MACF1: variants seen among roughly 807,000 people sequenced by gnomAD.
The protein encoded by MACF1 is microtubule-actin cross-linking factor 1.
In MACF1, 193 loss-of-function variants were observed where a neutral mutation model predicts 854.8. That is an observed-to-expected ratio of 0.23 (90% CI 0.20 to 0.25). The LOEUF is 0.25. MACF1 is among the 10% of genes least tolerant of loss of function. MACF1 has a pLI of 1.00. For synonymous variants in MACF1, 3,185 were observed against 3,226.7 expected (o/e 0.99, Z 0.44); for missense variants, 7,722 against 8,929.1 (o/e 0.86, Z 5.45).
chr1:39,236,867 TG>T (rs1644865136), intron 2 of MACF1, among the ~76,000 whole-genome samples: 1 of 151,954 alleles, frequency 6.6e-6, no homozygotes, highest in African/African-American at 2.4e-5. Context: ...TATACCATAT[TG>T]GCCAGGCTGC....
intron 61 of MACF1, 71 bp from the exon 62 acceptor site, chr1:39,427,384 T>C (rs1643761325): frequency 7.8e-7 from 1 of 1,275,776 alleles, no homozygotes; most frequent in South Asian, 1.4e-5. Flanking sequence ...ATTCTTTTAC[T>C]GAGTATAGTA....
chr1:39,397,486 C>T (rs200522446), intron 58 of MACF1, among the ~76,000 whole-genome samples: 1 of 151,568 alleles, frequency 6.6e-6, no homozygotes, highest in East Asian at 1.9e-4. Context: ...TGCTTGAACC[C>T]GGGAGGCAGA....
chr1:39,165,694 T>A (rs1172118132), intron 2 of MACF1, among the ~76,000 whole-genome samples: 1 of 152,236 alleles, frequency 6.6e-6, no homozygotes, highest in Admixed American at 6.5e-5. Context: ...TTCTATTGGT[T>A]GTTGGAGAAA....
In MACF1 at chr1:39,452,370, C is replaced by G. The variant is rs778432078; in HGVS notation, c.20613+20C>G. 1 of 1,606,498 alleles carries G rather than the reference C, an allele frequency of 6.2e-7. No individual in the cohort carries two copies. The highest frequency in any genetic ancestry group is 2.2e-5 in the East Asian group (1 of 44,782). On this transcript the variant is annotated intron_variant, in intron 86 of 100. Coordinates refer to ENST00000564288, the MANE Select transcript of MACF1 (RefSeq NM_001394062.1). ...AAACAAGTAAGGGATATTTGCTGTCCCAACCCAAGGGATAGATCTGAGTGG... is the reference window on the plus strand; with the variant it reads ...AAACAAGTAAGGGATATTTGCTGTCGCAACCCAAGGGATAGATCTGAGTGG...
chr1:39,359,412 A>G, intron 47 of MACF1, 148 bp downstream of exon 47: 1 of 957,864 alleles, frequency 1.0e-6, no homozygotes, highest in Non-Finnish European at 1.5e-6. Flanking sequence ...ATTGTCATCA[A>G]AGAGCTTATC....
chr1:39,246,274 T>G (rs1435954019), intron 2 of MACF1, among the ~76,000 whole-genome samples: 1 of 91,998 alleles, frequency 1.1e-5, no homozygotes, highest in Non-Finnish European at 2.9e-5. Flanking sequence ...TGCATGTGAC[T>G]TCTAAAGTTA....
intron 26 of MACF1, among the ~76,000 whole-genome samples, chr1:39,315,101 C>G (rs58400898): frequency 0.02 from 3,040 of 152,282 alleles, 110 homozygotes; most frequent in African/African-American, 0.07. Context: ...TCCCCTCTAG[C>G]TAGTCCTTTT....
rs370618215 is a variant in MACF1 at position 39,336,033 on chromosome 1, T to C, written c.9445T>C (p.Ser3149Pro). The C allele has an allele frequency of 6.2e-7, 1 of 1,614,128 alleles. No individual in the cohort carries two copies. The highest frequency in any genetic ancestry group is 1.3e-5 in the African/African-American group (1 of 75,038). The change falls in exon 37 of 101, where the codon TCC becomes CCC. Residue 3149 changes from serine (S) to proline (P), a missense_variant. By Grantham distance (74) the Ser-to-Pro change is moderately conservative (BLOSUM62 -1). This residue lies in a region of MACF1 where 854 missense variants were observed against 852.6 expected (regional missense o/e 1.00). Coordinates refer to ENST00000564288, the MANE Select transcript of MACF1 (RefSeq NM_001394062.1). The stretch of plus-strand genomic sequence containing the variant: ...CAGACAGGAGACCAACTATCAAGAT[T>C]CCTGGGTTACTTCGAAAACTAAGGA... Reference protein sequence around the residue: ...TTRQETNYQDSWVTSKTKETK... With the variant: ...TTRQETNYQDPWVTSKTKETK...
In MACF1 at chr1:39,335,665, G is replaced by A. The variant is rs1646798872; in HGVS notation, c.9077G>A (p.Gly3026Glu). ...AGGGAAATGACCTCAAGTGAAAAAG[G>A]GAAAGAAGCTGATACAGAAATGGGA... ...QPREMTSSEK[G>E]KEADTEMGFS... Residue 3026 changes from glycine (G) to glutamate (E), a missense_variant, in exon 37 of 101, where the codon GGG (glycine) becomes GAG (glutamate). Coordinates refer to ENST00000564288, the MANE Select transcript of MACF1 (RefSeq NM_001394062.1). The A allele has an allele frequency of 6.2e-7, 1 of 1,614,030 alleles. No individual in the cohort carries two copies.
intron 58 of MACF1, chr1:39,414,615 T>C (rs1384604987): frequency 2.2e-6 from 3 of 1,334,806 alleles, no homozygotes; most frequent in Non-Finnish European, 3.1e-6. Context: ...TTGTAGTCTT[T>C]CTGTTCAGTT....
At chr1:39,132,319 G>A (rs1643023875) in intron 2 of MACF1, among the ~76,000 whole-genome samples, 1 of 151,696 alleles carries the variant, frequency 6.6e-6, no homozygotes. Flanking sequence ...TGTAGCTGTT[G>A]GAAAAGGTCC....
rs12077313 is a variant in MACF1 at position 39,243,153 on chromosome 1, C to T, written c.172-6861C>T. ...ACATCCTAGACAGCGCTAATCACTG[C>T]GGTTTTGATTTATGTTTTCCTTATG... On this transcript the variant is annotated intron_variant, in intron 2 of 100. Transcript: ENST00000564288. Among the ~76,000 whole-genome samples, 1,432 of 152,216 alleles carry T rather than the reference C, an allele frequency of 9.4e-3. 27 individuals carry two copies. Among genetic ancestry groups the T allele is most frequent in the African/African-American group, 0.032 (1,348 of 41,534 alleles).
At chr1:39,197,102 G>A (rs559440206) in intron 2 of MACF1, among the ~76,000 whole-genome samples, 39 of 152,200 alleles carry the variant, frequency 2.6e-4, no homozygotes, top group African/African-American at 9.4e-4. Flanking sequence ...CCTCCTGCCA[G>A]CCTCTAACCA....
chr1:39,198,577 G>A (rs537812245), intron 2 of MACF1, among the ~76,000 whole-genome samples: 134 of 151,816 alleles, frequency 8.8e-4, no homozygotes, highest in African/African-American at 3.0e-3. Flanking sequence ...CTTGGAGCCG[G>A]GAGACGGAGG....
At chr1:39,345,901 C>G (rs938294697) in intron 40 of MACF1, among the ~76,000 whole-genome samples, 1 of 151,934 alleles carries the variant, frequency 6.6e-6, no homozygotes, top group African/African-American at 2.4e-5. Context: ...AACCCTGTCT[C>G]TACTAAAAAT....
Position 39,447,461 on chromosome 1 carries a change from A to C in MACF1, c.19635A>C (p.Ala6545=). Reference sequence around the variant, plus strand: ...AGCTGGAAGAGGCCCTCAACTTGGCAACAGAATTCCAGAATTCCCTACAAG... The same window carrying C: ...AGCTGGAAGAGGCCCTCAACTTGGCCACAGAATTCCAGAATTCCCTACAAG... ...KSKLEEALNL[A]TEFQNSLQEF... The change falls in exon 81 of 101, where the codon GCA becomes GCC. Residue 6545 remains alanine (A), a synonymous_variant. Transcript: ENST00000564288. 5 of 1,614,168 alleles carry C rather than the reference A, an allele frequency of 3.1e-6. No homozygotes were observed. Among genetic ancestry groups the C allele is most frequent in the Non-Finnish European group, 4.2e-6 (5 of 1,180,032 alleles).
rs1650632261 is a variant in MACF1, at chr1:39,385,653, G to C, written c.14068G>C (p.Glu4690Gln). The C allele has an allele frequency of 1.2e-6, 2 of 1,614,010 alleles. No homozygotes were observed. The highest frequency in any genetic ancestry group is 2.7e-5 in the African/African-American group (2 of 74,926). The stretch of plus-strand genomic sequence containing the variant: ...TATTGTTAAGAGCACCCAGTACCAG[G>C]AACTGCTCCAGGACTTATCAGAGAA... ...QAIVKSTQYQ[E>Q]LLQDLSEKVR... Residue 4690 changes from glutamate (E) to glutamine (Q), a missense_variant, in exon 57 of 101, where the codon GAA (glutamate) becomes CAA (glutamine). Around this residue, in one of 15 missense-constraint regions of MACF1, gnomAD observed 2,807 missense variants for 3,235.8 expected, o/e 0.87. Transcript: ENST00000564288.
chr1:39,106,692 G>C, intron 2 of MACF1, among the ~76,000 whole-genome samples: 1 of 152,014 alleles, frequency 6.6e-6, no homozygotes, highest in East Asian at 1.9e-4. Flanking sequence ...TTTATCTGAA[G>C]GAGAGGAAAC....
At chr1:39,094,403 CA>C (rs535765878) in intron 2 of MACF1, among the ~76,000 whole-genome samples, 4,187 of 123,564 alleles carry the variant, frequency 0.034, 150 homozygotes, top group African/African-American at 0.1. Context: ...ATTTTGTCTC[CA>C]AAAAAAAAAA....
Sources: gnomAD v4.1 joint callset for allele counts (sites outside exome capture counted in the v4.1 genomes callset) on GRCh38, gnomAD v4.1.1 for gene constraint, gnomAD v4.1.1 regional missense constraint, MANE v1.5 for transcripts, NCBI Gene and HGNC (gene_info 2026-07-23, HGNC 2026-07-21) for gene names.